Variants in ARL15 observed in about 807,000 individuals in gnomAD.
The protein encoded by ARL15 is ARF like GTPase 15, also known as ADP-ribosylation factor-like protein 15.
Under a neutral mutation model 25.2 loss-of-function variants are expected in ARL15, and 19 were observed. The observed-to-expected ratio is 0.75, with a 90% confidence interval of 0.53 to 1.10. The LOEUF (loss-of-function observed/expected upper bound fraction) is 1.10. Among genes scored for constraint, ARL15 ranks in the 50% least tolerant of loss-of-function variants. The pLI is 0.00. For synonymous variants in ARL15, 94 were observed against 86.8 expected (o/e 1.08, Z -0.46); for missense variants, 220 against 246.0 (o/e 0.89, Z 0.71).
chr5:54,143,545 G>A (rs1195761046), intron 3 of ARL15, among the ~76,000 whole-genome samples: 1 of 151,798 alleles, frequency 6.6e-6, no homozygotes, highest in Admixed American at 6.6e-5. Flanking sequence ...TTAGAAAAGG[G>A]AATTTAATCT....
chr5:53,971,061 G>A (rs1227305728), intron 4 of ARL15, among the ~76,000 whole-genome samples: 3 of 152,082 alleles, frequency 2.0e-5, no homozygotes, highest in East Asian at 1.9e-4. Flanking sequence ...AAGTGCCTAA[G>A]GAGTCAGTAT....
intron 1 of ARL15, among the ~76,000 whole-genome samples, chr5:54,235,500 T>TC (rs979855641): frequency 3.3e-5 from 5 of 151,944 alleles, no homozygotes; most frequent in Admixed American, 6.6e-5. Flanking sequence ...TAAACCTTTT[T>TC]TTTTTTTTTG....
chr5:54,094,762 C>T (rs1752234908), intron 4 of ARL15, among the ~76,000 whole-genome samples: 1 of 152,152 alleles, frequency 6.6e-6, no homozygotes, highest in African/African-American at 2.4e-5. Context: ...GGACACAATG[C>T]ACTGTTTGTC....
intron 1 of ARL15, among the ~76,000 whole-genome samples, chr5:54,209,710 C>A (rs1425703188): frequency 6.6e-5 from 10 of 151,930 alleles, no homozygotes; most frequent in Admixed American, 5.9e-4. Flanking sequence ...AAATCATTCA[C>A]CTCAGGTCAT....
chr5:54,170,746 C>T (rs1181297929), intron 2 of ARL15, among the ~76,000 whole-genome samples: 2 of 152,128 alleles, frequency 1.3e-5, no homozygotes, highest in African/African-American at 2.4e-5. Flanking sequence ...CTGTCATGCC[C>T]CTTCCTTCCA....
At chr5:54,275,151 C>T (rs1468116810) in intron 1 of ARL15, among the ~76,000 whole-genome samples, 1 of 152,222 alleles carries the variant, frequency 6.6e-6, no homozygotes, top group Non-Finnish European at 1.5e-5. Flanking sequence ...ACACTATGTG[C>T]TCATTCAGTG....
chr5:53,919,982 T>C lies in ARL15; in HGVS notation c.463-33269A>G, dbSNP rs549872298. Among the ~76,000 whole-genome samples, 10 of 152,284 alleles carry C rather than the reference T, an allele frequency of 6.6e-5. No homozygotes were observed. The South Asian group carries it at 2.1e-3, about 32-fold the overall frequency. ...CAGCTGTCTTTGAAGGGATTGGGTATAGACTGGGCACAAATATAGGTAAAG... is the reference window on the plus strand; with the variant it reads ...CAGCTGTCTTTGAAGGGATTGGGTACAGACTGGGCACAAATATAGGTAAAG... On this transcript the variant is annotated intron_variant, in intron 4 of 4. Coordinates refer to ENST00000504924, the MANE Select transcript of ARL15 (RefSeq NM_019087.3).
chr5:54,071,222 G>A (rs1248211398), intron 4 of ARL15, among the ~76,000 whole-genome samples: 2 of 151,992 alleles, frequency 1.3e-5, no homozygotes, highest in East Asian at 3.9e-4. Context: ...CCAGTCTCAG[G>A]TATTCAATTA....
intron 4 of ARL15, among the ~76,000 whole-genome samples, chr5:54,080,255 C>A (rs560282605): frequency 6.6e-6 from 1 of 152,236 alleles, no homozygotes; most frequent in East Asian, 1.9e-4. Flanking sequence ...TTAAATATTG[C>A]ACTAGAGAGA....
chr5:54,300,354 G>A (rs544989719), intron 1 of ARL15, among the ~76,000 whole-genome samples: 4 of 152,288 alleles, frequency 2.6e-5, no homozygotes, highest in Admixed American at 1.3e-4. Context: ...ACCACATGAA[G>A]AGAGATGCCC....
intron 1 of ARL15, among the ~76,000 whole-genome samples, chr5:54,212,148 C>T (rs1057427823): frequency 6.6e-6 from 1 of 152,144 alleles, no homozygotes; most frequent in Non-Finnish European, 1.5e-5. Context: ...ACAGTCAATA[C>T]GTGGCTGTGT....
At chr5:54,184,261 C>CA (rs201681698) in intron 1 of ARL15, among the ~76,000 whole-genome samples, 10 of 117,040 alleles carry the variant, frequency 8.5e-5, no homozygotes, top group Non-Finnish European at 1.4e-4. Flanking sequence ...AAAAAAAAAT[C>CA]AAAAAAAAAA....
intron 1 of ARL15, 25 bp from the exon 2 acceptor site, chr5:54,171,953 G>T (rs369341512): frequency 8.1e-6 from 13 of 1,603,262 alleles, no homozygotes; most frequent in Non-Finnish European, 1.0e-5. Context: ...GGAAAAAAAT[G>T]TTCCTTTAAA....
At chr5:53,953,848 A>G (rs1747054079) in intron 4 of ARL15, among the ~76,000 whole-genome samples, 1 of 152,174 alleles carries the variant, frequency 6.6e-6, no homozygotes, top group Non-Finnish European at 1.5e-5. Context: ...AATAATTATT[A>G]TGTAGGAGCC....
intron 4 of ARL15, among the ~76,000 whole-genome samples, chr5:53,927,313 G>A (rs1435061768): frequency 6.6e-6 from 1 of 152,118 alleles, no homozygotes; most frequent in East Asian, 1.9e-4. Context: ...CTCCTGCCCA[G>A]CTCTGTGCCT....
At chr5:53,983,393 C>T (rs548448162) in intron 4 of ARL15, among the ~76,000 whole-genome samples, 2 of 152,242 alleles carry the variant, frequency 1.3e-5, no homozygotes, top group South Asian at 4.1e-4. Context: ...ATTTATGTTA[C>T]CCATTTATAA....
chr5:54,050,077 C>G (rs772483547), intron 4 of ARL15, among the ~76,000 whole-genome samples: 2 of 152,134 alleles, frequency 1.3e-5, no homozygotes, highest in South Asian at 2.1e-4. Context: ...AACACTCTTC[C>G]TCATCTGGAT....
chr5:54,192,740 T>A (rs1045170965), intron 1 of ARL15, among the ~76,000 whole-genome samples: 2 of 151,734 alleles, frequency 1.3e-5, no homozygotes, highest in Non-Finnish European at 2.9e-5. Flanking sequence ...AGTCAGTCTG[T>A]TGAGAGAAAA....
chr5:54,161,715 T>A (rs1754406408), intron 2 of ARL15, among the ~76,000 whole-genome samples: 1 of 152,202 alleles, frequency 6.6e-6, no homozygotes, highest in South Asian at 2.1e-4. Context: ...TAATATCTGA[T>A]GCAAATACTT....
Sources: allele counts gnomAD v4.1 joint callset (sites outside exome capture counted in the v4.1 genomes callset), GRCh38; gene constraint gnomAD v4.1.1; transcripts MANE v1.5; gene names NCBI Gene and HGNC (gene_info 2026-07-23, HGNC 2026-07-21).